TIMP4: variants seen among roughly 807,000 people sequenced by gnomAD.
The protein encoded by TIMP4 is metalloproteinase inhibitor 4.
TIMP4 carries 28 observed loss-of-function variants against 27.3 expected under a neutral mutation model. The ratio of observed to expected loss-of-function variants is 1.03; its 90% CI spans 0.76 to 1.41. TIMP4 has a LOEUF of 1.41. TIMP4 is among the 40% of genes most tolerant of loss of function. The pLI is 0.00. For missense variants in TIMP4, 307 were observed against 285.5 expected (o/e 1.08, Z -0.54); for synonymous variants, 138 against 115.5 (o/e 1.20, Z -1.25).
intron 3 of TIMP4, among the ~76,000 whole-genome samples, 177 bp downstream of exon 3, chr3:12,156,643 G>A (rs1007784565): frequency 1.3e-5 from 2 of 152,162 alleles, no homozygotes; most frequent in South Asian, 4.1e-4. Context: ...TTAAAGGGAG[G>A]TTACAAGGCT....
At chr3:12,154,590 A>G (rs1697401903) in intron 3 of TIMP4, 139 bp from the exon 4 acceptor site, 6 of 825,008 alleles carry the variant, frequency 7.3e-6, no homozygotes, top group Non-Finnish European at 1.1e-5. Flanking sequence ...CAGTGAAGGG[A>G]CCAATAAATA....
chr3:12,157,290 C>T, intron 2 of TIMP4, 95 bp downstream of exon 2: 3 of 1,179,860 alleles, frequency 2.5e-6, no homozygotes, highest in South Asian at 1.3e-5. Flanking sequence ...GATTACTGAG[C>T]CAGGCCACCT....
Position 12,158,097 on chromosome 3 carries a change from C to CA in TIMP4, c.139+604dup, listed in dbSNP as rs533965612. Among the ~76,000 whole-genome samples, 614 of 152,258 alleles carry CA rather than the reference C, an allele frequency of 4.0e-3. 8 individuals carry two copies. The highest frequency in any genetic ancestry group is 0.014 in the African/African-American group (594 of 41,552). On this transcript the variant is annotated intron_variant, in intron 1 of 4. Transcript: ENST00000287814. ...TAGTGGAGTGCACACGTGTAAAGAA[C>CA]AACAGCACAGCATAGTAGGAGCGCT...
chr3:12,158,311 C>T (rs890873293), intron 1 of TIMP4, among the ~76,000 whole-genome samples: 1 of 152,118 alleles, frequency 6.6e-6, no homozygotes, highest in Non-Finnish European at 1.5e-5. Flanking sequence ...TTGGTGGCAA[C>T]CTCAGTTATA....
Position 12,158,777 on chromosome 3 carries a change from G to A in TIMP4, c.64C>T (p.Arg22Trp), listed in dbSNP as rs775018501. ...CATGCCTCACCCAGCCCCGGGGGCC[G>A]CAGCAACGCCAGCAGCCGCAGCAAC... Reference protein sequence around the residue: ...VLLLRLLALLRPPGLGEACSC... With the variant: ...VLLLRLLALLWPPGLGEACSC... Residue 22 changes from arginine to tryptophan, a missense_variant, in exon 1 of 5, where the codon CGG (arginine) becomes TGG (tryptophan). By Grantham distance (101) the Arg-to-Trp change is moderately radical. Coordinates refer to ENST00000287814, the MANE Select transcript of TIMP4 (RefSeq NM_003256.4). The A allele has an allele frequency of 9.3e-6, 15 of 1,604,504 alleles. No individual in the cohort carries two copies. The highest frequency in any genetic ancestry group is 2.2e-5 in the East Asian group (1 of 44,782).
chr3:12,156,776 C>G (rs776485206), intron 3 of TIMP4, 44 bp downstream of exon 3: 1 of 1,516,226 alleles, frequency 6.6e-7, no homozygotes, highest in Admixed American at 1.7e-5. Flanking sequence ...TCCCCTAGGG[C>G]AGAATCTATT....
At position 12,153,137 on chromosome 3, in the gene TIMP4, G is replaced by T; in HGVS notation, c.*378C>A. 3.3e-6 allele frequency: 1 copy of T among 303,398 alleles called. No individual in the cohort carries two copies. The highest frequency in any genetic ancestry group is 6.5e-6 in the Non-Finnish European group (1 of 154,216). 18.8% of individuals were successfully genotyped at this position (303,398 alleles called of 1,614,324 possible). ...AAACCACCTTCTGATACTGTACATC[G>T]CAAGGATATACCATCTCATGTGTAT... On this transcript the variant is annotated 3_prime_UTR_variant, in exon 5 of 5. Coordinates refer to ENST00000287814, the MANE Select transcript of TIMP4 (RefSeq NM_003256.4).
intron 3 of TIMP4, among the ~76,000 whole-genome samples, chr3:12,155,162 C>A (rs897928781): frequency 7.9e-5 from 12 of 152,132 alleles, no homozygotes; most frequent in Admixed American, 2.6e-4. Flanking sequence ...GAACCTCAGT[C>A]GCTCAATCAT....
intron 3 of TIMP4, among the ~76,000 whole-genome samples, 196 bp downstream of exon 3, chr3:12,156,624 C>T (rs888982621): frequency 5.3e-5 from 8 of 152,182 alleles, no homozygotes; most frequent in Admixed American, 2.0e-4. Context: ...GTACTAAGAA[C>T]TCTTACATTT....
chr3:12,154,255 A>C (rs1697387389), intron 4 of TIMP4, 72 bp downstream of exon 4: 2 of 1,600,188 alleles, frequency 1.2e-6, no homozygotes, highest in Non-Finnish European at 1.7e-6. Flanking sequence ...TAAGTGAATA[A>C]ATTCATGCAT....
intron 1 of TIMP4, 33 bp downstream of exon 1, chr3:12,158,669 C>T: frequency 1.2e-6 from 2 of 1,607,614 alleles, no homozygotes; most frequent in African/African-American, 1.3e-5. Flanking sequence ...CACAACCACC[C>T]CCTGCTGTGG....
rs918295619 is a variant in TIMP4, at chr3:12,157,048, G to C, written c.238-114C>G. 6 of 744,544 alleles carry C rather than the reference G, an allele frequency of 8.1e-6. No homozygotes were observed. In the African/African-American group the frequency reaches 8.8e-5, roughly 11 times the overall value. 46.1% of individuals were successfully genotyped at this position (744,544 alleles called of 1,614,324 possible). On this transcript the variant is annotated intron_variant, in intron 2 of 4. Transcript: ENST00000287814. ...AAAATGTAAGCAAAAGTCTAGTTGA[G>C]GATTTTGTGTCCTCAGATGTCCCTA...
intron 3 of TIMP4, 69 bp from the exon 4 acceptor site, chr3:12,154,520 T>G (rs1014788684): frequency 6.3e-7 from 1 of 1,576,692 alleles, no homozygotes; most frequent in African/African-American, 1.4e-5. Flanking sequence ...GCCCAGGTCC[T>G]TGAAAAGCCC....
chr3:12,156,848 G>T lies in TIMP4; in HGVS notation c.324C>A (p.Ala108=). The T allele has an allele frequency of 6.2e-7, 1 of 1,614,112 alleles. No individual in the cohort carries two copies. Among genetic ancestry groups the T allele is most frequent in the African/African-American group, 1.3e-5 (1 of 75,038 alleles). ...TCAAGAGATACTGCTTCTGGCTGTT[G>T]GCTTCTAGTTTCACACCACAGAGGG... ...DSSLCGVKLE[A]NSQKQYLLTG... Residue 108 remains alanine (A), a synonymous_variant, in exon 3 of 5, where the codon GCC becomes GCA. Transcript: ENST00000287814.
rs779355914 is a variant in TIMP4 at position 12,153,542 on chromosome 3, C to T, written c.648G>A (p.Lys216=). 33 of 1,613,814 alleles carry T rather than the reference C, an allele frequency of 2.0e-5. No homozygotes were observed. The highest frequency in any genetic ancestry group is 1.0e-4 in the Admixed American group (6 of 60,006). ...SWYRGHLPLR[K]EFVDIVQP ...AGGGCTGAACGATGTCAACAAACTCCTTCCTGAGAGGCAGGTGGCCCCGGT... is the reference window on the plus strand; with the variant it reads ...AGGGCTGAACGATGTCAACAAACTCTTTCCTGAGAGGCAGGTGGCCCCGGT... The change falls in exon 5 of 5, where the codon AAG becomes AAA. Residue 216 remains lysine, a synonymous_variant. Transcript: ENST00000287814.
At position 12,158,120 on chromosome 3, in the gene TIMP4, G is replaced by T. The variant is rs1419782425; in HGVS notation, c.139+582C>A. On this transcript the variant is annotated intron_variant, in intron 1 of 4. Transcript: ENST00000287814. ...AACAACAGCACAGCATAGTAGGAGC[G>T]CTAAGACGGTTAGAGATGCTGAGGC... 1.3e-5 allele frequency among the ~76,000 whole-genome samples: 2 copies of T among 152,148 alleles called. 1 individual carries two copies. Among genetic ancestry groups the T allele is most frequent in the South Asian group, 4.1e-4 (2 of 4,828 alleles).
chr3:12,155,200 A>G (rs535955063), intron 3 of TIMP4, among the ~76,000 whole-genome samples: 74 of 152,336 alleles, frequency 4.9e-4, no homozygotes, highest in African/African-American at 1.7e-3. Context: ...GCTGTGATCT[A>G]GTACCAGGAA....
intron 4 of TIMP4, 143 bp from the exon 5 acceptor site, chr3:12,153,855 TG>T: frequency 1.1e-6 from 1 of 892,066 alleles, no homozygotes; most frequent in Non-Finnish European, 1.7e-6. Flanking sequence ...AGTCTTCTCC[TG>T]GATTCTCCTT....
chr3:12,157,870 C>T (rs1382564103), intron 1 of TIMP4, among the ~76,000 whole-genome samples: 1 of 152,206 alleles, frequency 6.6e-6, no homozygotes, highest in Non-Finnish European at 1.5e-5. Context: ...GGCCTCTCAT[C>T]CCGCCTACAG....
Sources: gnomAD v4.1 joint callset for allele counts (sites outside exome capture counted in the v4.1 genomes callset) on GRCh38, gnomAD v4.1.1 for gene constraint, MANE v1.5 for transcripts, NCBI Gene and HGNC (gene_info 2026-07-23, HGNC 2026-07-21) for gene names.